ANKIB1: variants seen among roughly 807,000 people sequenced by gnomAD.
ANKIB1 encodes the protein ankyrin repeat and IBR domain containing 1, also known as ankyrin repeat and IBR domain-containing protein 1.
Under a neutral mutation model 122.1 loss-of-function variants are expected in ANKIB1, and 43 were observed. The ratio of observed to expected loss-of-function variants is 0.35; its 90% CI spans 0.28 to 0.45. ANKIB1 has a LOEUF of 0.45. ANKIB1 is among the 20% of genes least tolerant of loss of function. The pLI, the probability that ANKIB1 is intolerant of heterozygous loss-of-function variation, is 1.00. For missense variants in ANKIB1, 992 were observed against 1,329.5 expected (o/e 0.75, Z 3.95); for synonymous variants, 390 against 442.0 (o/e 0.88, Z 1.48).
intron 18 of ANKIB1, 81 bp from the exon 19 acceptor site, chr7:92,397,642 C>T: frequency 6.5e-7 from 1 of 1,537,102 alleles, no homozygotes; most frequent in Non-Finnish European, 8.8e-7. Context: ...AATTGCCCAT[C>T]TAAACAACCA....
chr7:92,381,791 CAA>C (rs1414195508), intron 11 of ANKIB1, among the ~76,000 whole-genome samples: 1 of 152,092 alleles, frequency 6.6e-6, no homozygotes, highest in African/African-American at 2.4e-5. Flanking sequence ...CAAAACATGC[CAA>C]ATTGTAAAGA....
At chr7:92,358,593 T>C (rs1173644128) in intron 9 of ANKIB1, among the ~76,000 whole-genome samples, 2 of 5,366 alleles carry the variant, frequency 3.7e-4, no homozygotes, top group Non-Finnish European at 7.3e-4. Context: ...CCCCCATGAT[T>C]CTTTTTTTTT....
chr7:92,290,226 G>A (rs1802216683), intron 1 of ANKIB1, among the ~76,000 whole-genome samples: 1 of 152,238 alleles, frequency 6.6e-6, no homozygotes, highest in Admixed American at 6.5e-5. Context: ...AACCTGGAGT[G>A]GGATGGGGTT....
chr7:92,307,281 A>G, intron 2 of ANKIB1, 78 bp from the exon 3 acceptor site: 2 of 1,371,538 alleles, frequency 1.5e-6, no homozygotes, highest in Non-Finnish European at 2.0e-6. Context: ...TATCTTTTAA[A>G]AGTGTTATCT....
chr7:92,248,925 T>A (rs1366747187), intron 1 of ANKIB1, among the ~76,000 whole-genome samples: 1 of 147,222 alleles, frequency 6.8e-6, no homozygotes, highest in African/African-American at 2.5e-5. Context: ...TCTCATTCTC[T>A]TGCCAAGGCT....
chr7:92,312,770 A>G (rs1250992255), intron 3 of ANKIB1, among the ~76,000 whole-genome samples: 1 of 152,216 alleles, frequency 6.6e-6, no homozygotes, highest in Non-Finnish European at 1.5e-5. Context: ...CTTCAGTTAT[A>G]CAAAGGACTT....
At chr7:92,378,265 A>T (rs969951974) in intron 11 of ANKIB1, among the ~76,000 whole-genome samples, 1 of 152,150 alleles carries the variant, frequency 6.6e-6, no homozygotes, top group Non-Finnish European at 1.5e-5. Context: ...CAGTATACCA[A>T]TTGAGCACCC....
chr7:92,321,937 A>G (rs1802921253), intron 4 of ANKIB1, among the ~76,000 whole-genome samples: 3 of 152,166 alleles, frequency 2.0e-5, no homozygotes, highest in South Asian at 2.1e-4. Context: ...TCCACATGGG[A>G]ACCTTGAATG....
chr7:92,372,250 AT>A (rs951677656), intron 11 of ANKIB1, among the ~76,000 whole-genome samples: 3 of 151,544 alleles, frequency 2.0e-5, no homozygotes, highest in Admixed American at 6.6e-5. Flanking sequence ...ACATGTACAG[AT>A]TTTTTTTTGT....
chr7:92,391,357 T>A lies in ANKIB1; in HGVS notation c.2231+13T>A, dbSNP rs1266102320. The A allele has an allele frequency of 6.3e-6, 10 of 1,581,846 alleles. No homozygotes were observed. The highest frequency in any genetic ancestry group is 8.6e-6 in the Non-Finnish European group (10 of 1,160,698). ...CTCCAAGGCGCAGGTAAAAAGGACGTACACTGTGGAAATCATCCTAGCTCC... is the reference window on the plus strand; with the variant it reads ...CTCCAAGGCGCAGGTAAAAAGGACGAACACTGTGGAAATCATCCTAGCTCC... On this transcript the variant is annotated intron_variant, in intron 16 of 19. Coordinates refer to ENST00000265742, the MANE Select transcript of ANKIB1 (RefSeq NM_019004.2).
intron 10 of ANKIB1, among the ~76,000 whole-genome samples, chr7:92,364,207 G>A (rs1007400508): frequency 6.7e-6 from 1 of 150,342 alleles, no homozygotes; most frequent in African/African-American, 2.5e-5. Flanking sequence ...CAGCTACTCA[G>A]GAGGCTAAGG....
chr7:92,322,427 A>G lies in ANKIB1; in HGVS notation c.669+2915A>G, dbSNP rs530582032. Among the ~76,000 whole-genome samples the G allele has an allele frequency of 9.7e-4, 147 of 152,238 alleles. 1 individual carries two copies. Among genetic ancestry groups the G allele is most frequent in the African/African-American group, 3.5e-3 (147 of 41,570 alleles). ...ATTGAAGTATACCAAAATGATCATT[A>G]TGATTATAGGTAATCTCCTTTACAA... On this transcript the variant is annotated intron_variant, in intron 4 of 19. Coordinates refer to ENST00000265742, the MANE Select transcript of ANKIB1 (RefSeq NM_019004.2).
chr7:92,261,950 A>G (rs1017042217), intron 1 of ANKIB1, among the ~76,000 whole-genome samples: 2 of 152,222 alleles, frequency 1.3e-5, no homozygotes, highest in African/African-American at 4.8e-5. Context: ...AGGGAAGCGC[A>G]GTGACTCTAA....
At chr7:92,270,409 C>T (rs953156476) in intron 1 of ANKIB1, among the ~76,000 whole-genome samples, 1 of 152,252 alleles carries the variant, frequency 6.6e-6, no homozygotes, top group East Asian at 1.9e-4. Context: ...GCCAAAAAGA[C>T]ACTTGAGGAA....
chr7:92,379,736 G>T (rs1804468623), intron 11 of ANKIB1, among the ~76,000 whole-genome samples: 1 of 152,104 alleles, frequency 6.6e-6, no homozygotes, highest in South Asian at 2.1e-4. Context: ...ATGACTCAAA[G>T]ATTTAAAGTT....
Position 92,399,163 on chromosome 7 carries a change from CT to C in ANKIB1, c.*219del, listed in dbSNP as rs1804963820. ...TGTACTTAATTGAATAGCTTTTCCC[CT>C]TTTTGCTGACAAAAAGAAGAGCAAG... On this transcript the variant is annotated 3_prime_UTR_variant, in exon 20 of 20. Coordinates refer to ENST00000265742, the MANE Select transcript of ANKIB1 (RefSeq NM_019004.2). The C allele has an allele frequency of 1.2e-5, 5 of 411,276 alleles. No homozygotes were observed. The highest frequency in any genetic ancestry group is 4.3e-5 in the Admixed American group (1 of 23,114). 25.5% of individuals were successfully genotyped at this position (411,276 alleles called of 1,614,324 possible). A position where few individuals can be genotyped will look rare whatever the true frequency, so the allele number is the denominator to read the frequency against.
chr7:92,312,066 G>C lies in ANKIB1; in HGVS notation c.486+4410G>C, dbSNP rs148733030. Among the ~76,000 whole-genome samples the C allele has an allele frequency of 2.8e-3, 424 of 152,024 alleles. 2 individuals are homozygous for C. Among genetic ancestry groups the C allele is most frequent in the African/African-American group, 9.6e-3 (396 of 41,434 alleles). ...AGTATTGATACCTGCACTTGCCTTG[G>C]ATCTGCCTCTTTTTTTTAAATTGCA... On this transcript the variant is annotated intron_variant, in intron 3 of 19. Transcript: ENST00000265742.
chr7:92,252,308 CTT>C (rs1218997318), intron 1 of ANKIB1, among the ~76,000 whole-genome samples: 1 of 151,860 alleles, frequency 6.6e-6, no homozygotes, highest in Non-Finnish European at 1.5e-5. Flanking sequence ...ATTAACCACT[CTT>C]ATGATGATTG....
chr7:92,356,390 C>T (rs1236085544), intron 9 of ANKIB1, among the ~76,000 whole-genome samples: 1 of 152,160 alleles, frequency 6.6e-6, no homozygotes, highest in Admixed American at 6.5e-5. Flanking sequence ...GTATCAGACT[C>T]CTGCCAACTA....
Sources: allele counts gnomAD v4.1 joint callset (sites outside exome capture counted in the v4.1 genomes callset), GRCh38; gene constraint gnomAD v4.1.1; transcripts MANE v1.5; gene names NCBI Gene and HGNC (gene_info 2026-07-23, HGNC 2026-07-21).